Variants in DDX17 observed in about 807,000 individuals in gnomAD.
DDX17 encodes probable ATP-dependent RNA helicase DDX17.
A neutral mutation model predicts 80.8 loss-of-function variants in DDX17; 10 were observed. The observed-to-expected ratio is 0.12, with a 90% CI of 0.08 to 0.21. The LOEUF (loss-of-function observed/expected upper bound fraction) is 0.21. Ranked by LOEUF, DDX17 falls within the 10% of genes least tolerant of loss-of-function variation. The probability of loss-of-function intolerance (pLI) is 1.00; values close to 1 mark genes in which losing one functional copy is unlikely to be tolerated. For missense variants in DDX17, 586 were observed against 957.4 expected, an observed-to-expected ratio of 0.61 and a Z score of 5.12; for synonymous variants, 339 against 336.2, an observed-to-expected ratio of 1.01 and a Z score of -0.09.
Position 38,489,136 on chromosome 22 carries a change from A to AT in DDX17, c.1448-1022dup. The AT allele has an allele frequency of 1.0e-6, 1 of 984,902 alleles. No individual in the cohort carries two copies. The highest frequency in any genetic ancestry group is 1.2e-6 in the Non-Finnish European group (1 of 829,360). The allele number at this position is 984,902 out of a possible 1,614,324, so 61.0% of individuals were successfully genotyped here. A position where few individuals can be genotyped will look rare whatever the true frequency, so the allele number is the denominator to read the frequency against. On this transcript the variant is annotated intron_variant, in intron 11 of 12. Transcript: ENST00000403230. The surrounding 1 kb of genome is among the most constrained non-coding windows in gnomAD (Gnocchi z 4.6). ...TACTGTTTTGTGGAAAAAAATCTGCATTTTACAAAGAATATTCAGAAAATA... is the reference window on the plus strand; with the variant it reads ...TACTGTTTTGTGGAAAAAAATCTGCATTTTTACAAAGAATATTCAGAAAATA...
chr22:38,492,100 T>C lies in DDX17; in HGVS notation c.1403A>G (p.Lys468Arg). 1 of 1,611,464 alleles carries C rather than the reference T, an allele frequency of 6.2e-7. No individual in the cohort carries two copies. Among genetic ancestry groups the C allele is most frequent in the Non-Finnish European group, 8.5e-7 (1 of 1,178,912 alleles). The change falls in exon 11 of 13, where the codon AAG (lysine) becomes AGG (arginine). Residue 468 changes from lysine (K) to arginine (R), a missense_variant. Around this residue, in one of 4 missense-constraint regions of DDX17, gnomAD observed 141 missense variants for 379.3 expected, o/e 0.37. Transcript: ENST00000403230. ...ATCTGTAGCAATAAGGATGGGTGCCTTTCCAGAACGGAACTCTGTAAAAAC... is the reference window on the plus strand; with the variant it reads ...ATCTGTAGCAATAAGGATGGGTGCCCTTCCAGAACGGAACTCTGTAAAAAC...
Position 38,495,784 on chromosome 22 carries a change from A to G in DDX17, c.880+12T>C, listed in dbSNP as rs963355254. 3 of 1,571,014 alleles carry G rather than the reference A, an allele frequency of 1.9e-6. No homozygotes were observed. Among genetic ancestry groups the G allele is most frequent in the African/African-American group, 2.7e-5 (2 of 73,124 alleles). On this transcript the variant is annotated intron_variant, in intron 6 of 12. Coordinates refer to ENST00000403230, the MANE Select transcript of DDX17 (RefSeq NM_006386.5). ...GATAAACTAACAATTCTTTTACACT[A>G]TATATTATTACCTCTTTCCAAGTCT...
At chr22:38,495,270 G>C (rs2089749847) in intron 6 of DDX17, among the ~76,000 whole-genome samples, 2 of 122,404 alleles carry the variant, frequency 1.6e-5, no homozygotes, top group African/African-American at 6.1e-5. Context: ...TTTTGAGATG[G>C]AGTCTTGCTC....
chr22:38,491,784 G>C, intron 11 of DDX17: 1 of 338,544 alleles, frequency 3.0e-6, no homozygotes, highest in Non-Finnish European at 5.3e-6. Context: ...TGTTTGAATA[G>C]TCATGCCTAG....
chr22:38,499,898 C>G (rs903515083), intron 2 of DDX17, among the ~76,000 whole-genome samples: 1 of 152,090 alleles, frequency 6.6e-6, no homozygotes, highest in African/African-American at 2.4e-5. Context: ...GGCACGGTGG[C>G]TCCCACCTGT....
At chr22:38,500,290 A>G (rs1018005255) in intron 2 of DDX17, among the ~76,000 whole-genome samples, 2 of 152,190 alleles carry the variant, frequency 1.3e-5, no homozygotes, top group African/African-American at 4.8e-5. Context: ...CAACAAGAGA[A>G]CAAATTAAAT....
At chr22:38,494,550 G>A (rs2089743092) in intron 8 of DDX17, 80 bp downstream of exon 8, 1 of 1,358,724 alleles carries the variant, frequency 7.4e-7, no homozygotes, top group South Asian at 1.3e-5. Flanking sequence ...AAATATACTG[G>A]TTTCTACAGT....
intron 1 of DDX17, among the ~76,000 whole-genome samples, chr22:38,503,181 C>A (rs1402986895): frequency 6.6e-6 from 1 of 152,152 alleles, no homozygotes; most frequent in Non-Finnish European, 1.5e-5. Context: ...GCTTAAGACT[C>A]AATACTGAAC....
At chr22:38,498,027 A>C in intron 5 of DDX17, 58 bp downstream of exon 5, 1 of 1,532,486 alleles carries the variant, frequency 6.5e-7, no homozygotes, top group Admixed American at 1.7e-5. Flanking sequence ...CACCAAGCCT[A>C]AATAGTCGCT....
chr22:38,492,264 C>T (rs2089720932), intron 10 of DDX17, 149 bp from the exon 11 acceptor site: 2 of 596,232 alleles, frequency 3.4e-6, no homozygotes, highest in South Asian at 4.8e-5. Flanking sequence ...ATCTTTATTA[C>T]ACTCATATTC....
chr22:38,501,513 C>G (rs935889967), intron 1 of DDX17, among the ~76,000 whole-genome samples: 1 of 152,038 alleles, frequency 6.6e-6, no homozygotes. Flanking sequence ...ATTAAAAATC[C>G]CTTTATTGAG....
At chr22:38,504,499 AG>A (rs1371304218) in intron 1 of DDX17, among the ~76,000 whole-genome samples, 1 of 152,206 alleles carries the variant, frequency 6.6e-6, no homozygotes, top group East Asian at 1.9e-4. Flanking sequence ...GATAATCTCA[AG>A]TTCTTTTTCT....
intron 4 of DDX17, 109 bp downstream of exon 4, chr22:38,498,331 G>GT: frequency 6.7e-7 from 1 of 1,485,128 alleles, no homozygotes; most frequent in Non-Finnish European, 9.2e-7. Flanking sequence ...AACTAAAATA[G>GT]TATCTAACTA....
At chr22:38,503,003 T>C (rs562375397) in intron 1 of DDX17, among the ~76,000 whole-genome samples, 22 of 152,344 alleles carry the variant, frequency 1.4e-4, no homozygotes, top group Admixed American at 1.2e-3. Flanking sequence ...CAAAAATTGA[T>C]GGCAGGAGAT....
intron 1 of DDX17, among the ~76,000 whole-genome samples, chr22:38,502,346 G>T (rs542805599): frequency 6.6e-6 from 1 of 151,716 alleles, no homozygotes. Context: ...CTCGGAAGGC[G>T]GAGGTTGCAG....
Position 38,501,183 on chromosome 22 carries a change from T to C in DDX17, c.385A>G (p.Lys129Glu). The C allele has an allele frequency of 6.2e-7, 1 of 1,613,802 alleles. No homozygotes were observed. Among genetic ancestry groups the C allele is most frequent in the Non-Finnish European group, 8.5e-7 (1 of 1,179,956 alleles). Residue 129 changes from lysine (K) to glutamate (E), a missense_variant, in exon 2 of 13, where the codon AAG (lysine) becomes GAG (glutamate). By Grantham distance (56) the Lys-to-Glu change is moderately conservative. Coordinates refer to ENST00000403230, the MANE Select transcript of DDX17 (RefSeq NM_006386.5). ...TCCACATAAAAATTTTTCTCAAACTTGGGGAGCTCACTCAAATCCCACTTT... is the reference window on the plus strand; with the variant it reads ...TCCACATAAAAATTTTTCTCAAACTCGGGGAGCTCACTCAAATCCCACTTT...
intron 3 of DDX17, 142 bp downstream of exon 3, chr22:38,499,258 A>T (rs1332178244): frequency 3.2e-6 from 2 of 630,748 alleles, no homozygotes; most frequent in Non-Finnish European, 2.8e-6. Flanking sequence ...TCTAAATACT[A>T]GAACAGAACT....
intron 10 of DDX17, 65 bp from the exon 11 acceptor site, chr22:38,492,180 C>T: frequency 7.3e-7 from 1 of 1,376,392 alleles, no homozygotes; most frequent in Non-Finnish European, 1.0e-6. Flanking sequence ...GTTTACATAA[C>T]CATGTTAAAA....
At chr22:38,505,872 C>T (rs2089877066) in intron 1 of DDX17, 79 bp downstream of exon 1, 12 of 1,491,138 alleles carry the variant, frequency 8.0e-6, no homozygotes, top group African/African-American at 4.2e-5. Context: ...GGCTCCCAGG[C>T]TCGCAGTCCG....
Sources: gnomAD v4.1 joint callset for allele counts (sites outside exome capture counted in the v4.1 genomes callset) on GRCh38, gnomAD v4.1.1 for gene constraint, gnomAD v4.1.1 regional missense constraint, Gnocchi (gnomAD v3.1) non-coding constraint, MANE v1.5 for transcripts, NCBI Gene and HGNC (gene_info 2026-07-23, HGNC 2026-07-21) for gene names.